Variants in LNX1 observed in about 807,000 individuals in gnomAD.
The protein encoded by LNX1 is ligand of numb-protein X 1.
LNX1 carries 54 observed loss-of-function variants against 68.4 expected under a neutral mutation model. The observed-to-expected ratio is 0.79, with a 90% confidence interval of 0.63 to 0.99. LNX1 has a LOEUF of 0.99. LNX1 is among the 50% of genes least tolerant of loss of function. The pLI is 0.00. For missense variants in LNX1, 906 were observed against 926.4 expected, an observed-to-expected ratio of 0.98 and a Z score of 0.29; for synonymous variants, 336 against 350.0, an observed-to-expected ratio of 0.96 and a Z score of 0.45.
chr4:53,516,756 C>G (rs1726818557), intron 2 of LNX1, among the ~76,000 whole-genome samples: 1 of 152,196 alleles, frequency 6.6e-6, no homozygotes, highest in Admixed American at 6.5e-5. Context: ...CCCAGGATAC[C>G]TGATGGCCAG....
intron 1 of LNX1, among the ~76,000 whole-genome samples, chr4:53,581,960 A>G (rs1466494635): frequency 1.3e-5 from 2 of 152,080 alleles, no homozygotes; most frequent in Non-Finnish European, 2.9e-5. Flanking sequence ...GTTTGCATTC[A>G]TTTTGCATTT....
chr4:53,568,996 C>T (rs1356633134), intron 2 of LNX1, among the ~76,000 whole-genome samples: 2 of 150,860 alleles, frequency 1.3e-5, no homozygotes, highest in African/African-American at 4.9e-5. Context: ...CAAACCACTG[C>T]TCAAGGAAAT....
At chr4:53,491,193 C>T (rs913954661) in intron 6 of LNX1, among the ~76,000 whole-genome samples, 2 of 151,632 alleles carry the variant, frequency 1.3e-5, no homozygotes. Flanking sequence ...TGAGTTGCAC[C>T]GATTGACCTG....
In LNX1 at chr4:53,606,625, A is replaced by G. The variant is rs547699772; in HGVS notation, c.-215+9892T>C. Among the ~76,000 whole-genome samples, 10 of 152,308 alleles carry G rather than the reference A, an allele frequency of 6.6e-5. No homozygotes were observed. In the South Asian group the frequency reaches 2.1e-3, roughly 32 times the overall value. ...ACTCATTCTATTTGGTATCATCCTGATATCAAAACCTGGCAGACATACAAT... is the reference window on the plus strand; with the variant it reads ...ACTCATTCTATTTGGTATCATCCTGGTATCAAAACCTGGCAGACATACAAT... On this transcript the variant is annotated intron_variant, in intron 2 of 3. Transcript: ENST00000504299.
upstream of LNX1, among the ~76,000 whole-genome samples, chr4:53,622,057 A>G (rs1053396122): frequency 6.6e-6 from 1 of 152,198 alleles, no homozygotes; most frequent in Non-Finnish European, 1.5e-5. Flanking sequence ...TTGAAGGTTA[A>G]TAAGCAATTT....
chr4:53,528,724 G>T (rs1301705947), intron 2 of LNX1, among the ~76,000 whole-genome samples: 2 of 152,140 alleles, frequency 1.3e-5, no homozygotes, highest in African/African-American at 4.8e-5. Context: ...AGTGAGAACA[G>T]ATAATTGACC....
intron 1 of LNX1, chr4:53,575,722 T>C: frequency 6.9e-7 from 1 of 1,440,504 alleles, no homozygotes; most frequent in Non-Finnish European, 9.1e-7. Context: ...CAGTGTCTGC[T>C]GTGGGGGCCA....
upstream of LNX1, among the ~76,000 whole-genome samples, chr4:53,619,425 T>A (rs769881410): frequency 2.0e-5 from 3 of 152,190 alleles, no homozygotes; most frequent in Non-Finnish European, 4.4e-5. Context: ...TTTTGGACAT[T>A]TCATATAAAT....
At chr4:53,504,230 T>TTGCGGCTTCGTTACAATCAGCATC (rs1560632314) in intron 4 of LNX1, among the ~76,000 whole-genome samples, 1 of 152,264 alleles carries the variant, frequency 6.6e-6, no homozygotes, top group Non-Finnish European at 1.5e-5. Context: ...CAATCAGCAT[T>TTGCGGCTTCGTTACAATCAGCATC]TGCTGCTTCG....
chr4:53,513,555 C>A (rs1265094554), intron 2 of LNX1, among the ~76,000 whole-genome samples: 1 of 152,214 alleles, frequency 6.6e-6, no homozygotes, highest in East Asian at 1.9e-4. Flanking sequence ...CAGCTCTTCC[C>A]ACATGTTCCT....
rs1260779169 is a variant in LNX1, at chr4:53,460,737, G to A, written c.*170C>T. On this transcript the variant is annotated 3_prime_UTR_variant, in exon 11 of 11. Transcript: ENST00000263925. ...AAAAACTAGTAGTTTTAATTTTTTT[G>A]GAATCATATTTTCTGAGGTGTAACT... 6.5e-6 allele frequency: 4 copies of A among 612,194 alleles called. No homozygotes were observed. Among genetic ancestry groups the A allele is most frequent in the Non-Finnish European group, 8.1e-6 (3 of 370,872 alleles). The allele number at this position is 612,194 out of a possible 1,614,324, so 37.9% of individuals were successfully genotyped here. A position where few individuals can be genotyped will look rare whatever the true frequency, so the allele number is the denominator to read the frequency against.
In LNX1 at chr4:53,517,102, C is replaced by T. The variant is rs184875347; in HGVS notation, c.381-8875G>A. ...CTCAGCACTCTGCAAAGAGCACTGG[C>T]GGACAGGGTCTGGCAGGGTGGGGGT... On this transcript the variant is annotated intron_variant, in intron 2 of 10. Transcript: ENST00000263925. 2.2e-3 allele frequency among the ~76,000 whole-genome samples: 329 copies of T among 152,220 alleles called. 1 individual carries two copies. Among genetic ancestry groups the T allele is most frequent in the African/African-American group, 7.1e-3 (294 of 41,538 alleles).
intron 1 of LNX1, among the ~76,000 whole-genome samples, chr4:53,626,124 A>G (rs566703742): frequency 6.6e-6 from 1 of 152,334 alleles, no homozygotes; most frequent in East Asian, 1.9e-4. Context: ...GCTAAGTGAA[A>G]GAAGTCTGAC....
chr4:53,642,168 G>A (rs1734711887), intron 1 of LNX1, among the ~76,000 whole-genome samples: 1 of 146,374 alleles, frequency 6.8e-6, no homozygotes, highest in African/African-American at 2.6e-5. Context: ...GCTGCAGTGA[G>A]CCATGATCAC....
chr4:53,581,605 C>T (rs571503135), intron 1 of LNX1, among the ~76,000 whole-genome samples: 10 of 152,094 alleles, frequency 6.6e-5, no homozygotes, highest in Non-Finnish European at 1.0e-4. Context: ...TGGTGGCAGG[C>T]GAGAGAACAT....
chr4:53,504,472 T>G (rs1227531283), intron 4 of LNX1, among the ~76,000 whole-genome samples: 1 of 152,260 alleles, frequency 6.6e-6, no homozygotes, highest in Admixed American at 6.5e-5. Flanking sequence ...GTTTTGTTTT[T>G]CTATCCAGGT....
At position 53,478,736 on chromosome 4, in the gene LNX1, G is replaced by C. The variant is rs200905735; in HGVS notation, c.1492C>G (p.His498Asp). Residue 498 changes from histidine to aspartate, a missense_variant, in exon 8 of 11, where the codon CAT (histidine) becomes GAT (aspartate). Transcript: ENST00000263925. ...GERSNTPKPL[H>D]PTITCHEKVV... ...TTCTCATGACAAGTAATTGTAGGAT[G>C]GAGGGGCTGAAGGCACAGATGGAAA... 35 of 1,613,394 alleles carry C rather than the reference G, an allele frequency of 2.2e-5. No homozygotes were observed. The East Asian group carries it at 7.4e-4, about 34-fold the overall frequency.
intron 2 of LNX1, among the ~76,000 whole-genome samples, chr4:53,515,213 A>T (rs1361613573): frequency 1.3e-5 from 2 of 152,204 alleles, no homozygotes; most frequent in African/African-American, 4.8e-5. Flanking sequence ...GGAGTCCCAC[A>T]TCACTTAAGG....
chr4:53,482,678 A>G (rs1219990819), intron 6 of LNX1, among the ~76,000 whole-genome samples: 4 of 152,178 alleles, frequency 2.6e-5, no homozygotes, highest in Admixed American at 1.3e-4. Context: ...GCAGAGTAAT[A>G]TAATGGACTT....
Sources: gnomAD v4.1 joint callset for allele counts (sites outside exome capture counted in the v4.1 genomes callset) on GRCh38, gnomAD v4.1.1 for gene constraint, MANE v1.5 for transcripts, NCBI Gene and HGNC (gene_info 2026-07-23, HGNC 2026-07-21) for gene names.